PDGFRA: variants seen among roughly 807,000 people sequenced by gnomAD.
PDGFRA encodes platelet-derived growth factor receptor alpha.
PDGFRA carries 25 observed loss-of-function variants against 121.5 expected under a neutral mutation model. The ratio of observed to expected loss-of-function variants is 0.21; its 90% CI spans 0.15 to 0.29. The LOEUF is 0.29. PDGFRA is among the 10% of genes least tolerant of loss of function. The pLI is 1.00. For missense variants in PDGFRA, 1,008 were observed against 1,345.1 expected (o/e 0.75, Z 3.92); for synonymous variants, 463 against 494.8 (o/e 0.94, Z 0.85).
At chr4:54,264,812 A>T in intron 4 of PDGFRA, 107 bp from the exon 5 acceptor site, 1 of 1,082,696 alleles carries the variant, frequency 9.2e-7, no homozygotes, top group Non-Finnish European at 1.4e-6. Flanking sequence ...ACTGGTTTGC[A>T]AATTATTTTT....
chr4:54,275,313 G>A (rs1723659458), intron 12 of PDGFRA, among the ~76,000 whole-genome samples: 1 of 152,178 alleles, frequency 6.6e-6, no homozygotes, highest in Non-Finnish European at 1.5e-5. Context: ...GAGCAGATGA[G>A]AAATGAATGA....
At chr4:54,248,099 A>C (rs891991065) in intron 1 of PDGFRA, among the ~76,000 whole-genome samples, 4 of 152,242 alleles carry the variant, frequency 2.6e-5, no homozygotes, top group African/African-American at 7.2e-5. Context: ...TTCCATGCTC[A>C]TGTGTAGGAA....
chr4:54,245,019 A>G (rs192320386), intron 1 of PDGFRA, among the ~76,000 whole-genome samples: 210 of 152,320 alleles, frequency 1.4e-3, no homozygotes, highest in African/African-American at 4.9e-3. Flanking sequence ...GTTTAAAGAA[A>G]AAAGAATAAA....
intron 1 of PDGFRA, among the ~76,000 whole-genome samples, chr4:54,230,125 C>G (rs1015393411): frequency 1.3e-5 from 2 of 151,910 alleles, no homozygotes; most frequent in Non-Finnish European, 2.9e-5. Flanking sequence ...CCAGATTTGG[C>G]GCGGCGGTGA....
intron 1 of PDGFRA, among the ~76,000 whole-genome samples, chr4:54,254,712 T>G (rs1722259088): frequency 6.6e-6 from 1 of 152,182 alleles, no homozygotes; most frequent in African/African-American, 2.4e-5. Context: ...GATATTTACA[T>G]GTAGAAGCAC....
chr4:54,295,314 C>A lies in PDGFRA; in HGVS notation c.*42C>A. The stretch of plus-strand genomic sequence containing the variant: ...GTTCCTTCCACTTCTGGGGCCACCT[C>A]TGGATCCCGTTCAGAAAACCACTTT... On this transcript the variant is annotated 3_prime_UTR_variant, in exon 23 of 23. Coordinates refer to ENST00000257290, the MANE Select transcript of PDGFRA (RefSeq NM_006206.6). 1 of 1,608,284 alleles carries A rather than the reference C, an allele frequency of 6.2e-7. No individual in the cohort carries two copies. Among genetic ancestry groups the A allele is most frequent in the Non-Finnish European group, 8.5e-7 (1 of 1,175,188 alleles).
intron 5 of PDGFRA, among the ~76,000 whole-genome samples, chr4:54,266,199 A>G (rs189655730): frequency 1.2e-4 from 19 of 152,342 alleles, no homozygotes; most frequent in African/African-American, 4.1e-4. Flanking sequence ...AAACCGAAGT[A>G]CATGCTATTT....
chr4:54,253,294 C>T (rs1343536261), intron 1 of PDGFRA, among the ~76,000 whole-genome samples: 2 of 152,198 alleles, frequency 1.3e-5, no homozygotes, highest in Non-Finnish European at 2.9e-5. Context: ...ATAATTTAGT[C>T]CTTACGATAA....
intron 2 of PDGFRA, among the ~76,000 whole-genome samples, chr4:54,259,630 C>G (rs1722577513): frequency 6.6e-6 from 1 of 152,130 alleles, no homozygotes; most frequent in Non-Finnish European, 1.5e-5. Flanking sequence ...TTAGCTCAGC[C>G]CGTTAGTGTC....
intron 16 of PDGFRA, among the ~76,000 whole-genome samples, chr4:54,283,788 A>G (rs1331950369): frequency 6.6e-6 from 1 of 152,154 alleles, no homozygotes; most frequent in African/African-American, 2.4e-5. Flanking sequence ...TATTTTAAAG[A>G]GATGGGGTCT....
At chr4:54,231,280 G>C (rs1720650998) in intron 1 of PDGFRA, among the ~76,000 whole-genome samples, 1 of 152,238 alleles carries the variant, frequency 6.6e-6, no homozygotes, top group Non-Finnish European at 1.5e-5. Context: ...GCCGCGGGCT[G>C]GGCGGTGTGG....
chr4:54,265,196 A>G lies in PDGFRA; in HGVS notation c.759+147A>G, dbSNP rs1258739023. 5 of 754,704 alleles carry G rather than the reference A, an allele frequency of 6.6e-6. No homozygotes were observed. The East Asian group carries it at 1.1e-4, about 16-fold the overall frequency. 46.8% of individuals were successfully genotyped at this position (754,704 alleles called of 1,614,324 possible). On this transcript the variant is annotated intron_variant, in intron 5 of 22. Transcript: ENST00000257290. ...ACCTCTGGGATGAACACATTTGATT[A>G]AATGGCCTTTAGGACTCCTTGATCA...
chr4:54,281,513 A>G, intron 16 of PDGFRA: 1 of 1,089,112 alleles, frequency 9.2e-7, no homozygotes, highest in Non-Finnish European at 1.2e-6. Context: ...TTAGCCAGTG[A>G]GAGTTATCGG....
In PDGFRA at chr4:54,263,655, T is replaced by C; in HGVS notation, c.368-12T>C. On this transcript the variant is annotated splice_polypyrimidine_tract_variant and intron_variant, in intron 3 of 22. Transcript: ENST00000257290. ...ATGTCTAATAGAGTCTTCATTCTTT[T>C]TTAAACCACAGACCCAGATGTAGCC... 6.2e-7 allele frequency: 1 copy of C among 1,613,360 alleles called. No homozygotes were observed. The highest frequency in any genetic ancestry group is 1.1e-5 in the South Asian group (1 of 91,060).
At chr4:54,260,426 T>TTTTTTG in intron 2 of PDGFRA, among the ~76,000 whole-genome samples, 1 of 113,224 alleles carries the variant, frequency 8.8e-6, no homozygotes, top group Non-Finnish European at 1.8e-5. Flanking sequence ...TTTTTTTTTT[T>TTTTTTG]GAGACAGGGT....
intron 9 of PDGFRA, 76 bp from the exon 10 acceptor site, chr4:54,273,461 A>T: frequency 8.7e-7 from 1 of 1,155,650 alleles, no homozygotes; most frequent in Non-Finnish European, 1.3e-6. Context: ...TTGCCATCTT[A>T]GAGTGTTCCC....
chr4:54,236,129 C>T (rs1392505037), intron 1 of PDGFRA, among the ~76,000 whole-genome samples: 1 of 152,180 alleles, frequency 6.6e-6, no homozygotes, highest in Non-Finnish European at 1.5e-5. Context: ...GGCTGAAGTT[C>T]AACATGTAGT....
chr4:54,265,495 C>T (rs1382623248), intron 5 of PDGFRA: 1 of 268,816 alleles, frequency 3.7e-6, no homozygotes, highest in Admixed American at 4.6e-5. Flanking sequence ...CTTGTTGGCA[C>T]CCAGGACAAT....
rs183901578 is a variant in PDGFRA, at chr4:54,261,814, C to T, written c.367+402C>T. The stretch of plus-strand genomic sequence containing the variant: ...TTCATTATAATATCTTCCAAATAAA[C>T]ACTCGATTTTTCAGATTCACTATCA... On this transcript the variant is annotated intron_variant, in intron 3 of 22. Coordinates refer to ENST00000257290, the MANE Select transcript of PDGFRA (RefSeq NM_006206.6). Among the ~76,000 whole-genome samples, 150 of 150,074 alleles carry T rather than the reference C, an allele frequency of 1.0e-3. 1 individual carries two copies. The highest frequency in any genetic ancestry group is 7.5e-3 in the Admixed American group (112 of 14,982).
Sources: allele counts gnomAD v4.1 joint callset (sites outside exome capture counted in the v4.1 genomes callset), GRCh38; gene constraint gnomAD v4.1.1; transcripts MANE v1.5; gene names NCBI Gene and HGNC (gene_info 2026-07-23, HGNC 2026-07-21).